RNFT2: variants seen among roughly 807,000 people sequenced by gnomAD.
RNFT2 encodes the protein E3 ubiquitin-protein ligase RNFT2.
A neutral mutation model predicts 53.0 loss-of-function variants in RNFT2; 36 were observed. The ratio of observed to expected loss-of-function variants is 0.68; its 90% CI spans 0.52 to 0.90. The LOEUF (loss-of-function observed/expected upper bound fraction) is 0.90. Ranked by LOEUF, RNFT2 falls within the 40% of genes least tolerant of loss-of-function variation. RNFT2 has a pLI of 0.00. For synonymous variants in RNFT2, 260 were observed against 253.2 expected (o/e 1.03, Z -0.26); for missense variants, 514 against 585.6 (o/e 0.88, Z 1.26).
intron 7 of RNFT2, among the ~76,000 whole-genome samples, chr12:116,795,992 T>C (rs575945336): frequency 6.6e-6 from 1 of 152,220 alleles, no homozygotes; most frequent in East Asian, 1.9e-4. Flanking sequence ...CACTGAAACC[T>C]CTGCCTCCCG....
chr12:116,827,576 C>A (rs138783168), intron 7 of RNFT2, among the ~76,000 whole-genome samples: 1 of 152,338 alleles, frequency 6.6e-6, no homozygotes, highest in Non-Finnish European at 1.5e-5. Context: ...AGGCCAAATA[C>A]GTCCTGCCAC....
chr12:116,840,787 T>C (rs1477633440), intron 10 of RNFT2, among the ~76,000 whole-genome samples: 3 of 152,132 alleles, frequency 2.0e-5, no homozygotes, highest in African/African-American at 7.2e-5. Context: ...TATGAGATGA[T>C]GTATAGGGCT....
rs1461049071 is a variant in RNFT2, at chr12:116,851,919, G to A, written c.*2471G>A. 6.5e-7 allele frequency: 1 copy of A among 1,534,776 alleles called. No homozygotes were observed. The highest frequency in any genetic ancestry group is 8.7e-7 in the Non-Finnish European group (1 of 1,146,402). On this transcript the variant is annotated 3_prime_UTR_variant, in exon 11 of 11. Transcript: ENST00000257575. ...AGTCTCAGGCCTGTCAGCAGCTCCTGTGGACATTGCCATCCCCTCTGGTAG... is the reference window on the plus strand; with the variant it reads ...AGTCTCAGGCCTGTCAGCAGCTCCTATGGACATTGCCATCCCCTCTGGTAG...
Position 116,809,795 on chromosome 12 carries a change from C to G in RNFT2, c.883-23997C>G, listed in dbSNP as rs572593981. 7.0e-4 allele frequency among the ~76,000 whole-genome samples: 106 copies of G among 152,244 alleles called. 1 individual carries two copies. The highest frequency in any genetic ancestry group is 2.4e-3 in the African/African-American group (99 of 41,548). On this transcript the variant is annotated intron_variant, in intron 7 of 10. Transcript: ENST00000257575. ...TCAAGCTATTCTCCTGCCTCAGCCT[C>G]CTGAGTAGCTGGGACTACAGGCACC...
chr12:116,850,631 T>C lies in RNFT2; in HGVS notation c.*1183T>C. The stretch of plus-strand genomic sequence containing the variant: ...TTTTCTTTTCTTTTCTTTTTTTTTT[T>C]TTTTTTGTTGTTGTGAGACAGAGTC... On this transcript the variant is annotated 3_prime_UTR_variant, in exon 11 of 11. Transcript: ENST00000257575. The C allele has an allele frequency of 6.7e-6, 1 of 150,030 alleles. No individual in the cohort carries two copies. Among genetic ancestry groups the C allele is most frequent in the Non-Finnish European group, 1.5e-5 (1 of 67,478 alleles). 9.3% of individuals were successfully genotyped at this position (150,030 alleles called of 1,614,324 possible).
chr12:116,816,527 C>T (rs1201163261), intron 7 of RNFT2, among the ~76,000 whole-genome samples: 1 of 152,108 alleles, frequency 6.6e-6, no homozygotes, highest in East Asian at 1.9e-4. Context: ...GAGAAAATGA[C>T]ACATTTTCAT....
chr12:116,795,931 CAG>C (rs1425555961), intron 7 of RNFT2, among the ~76,000 whole-genome samples: 18 of 151,778 alleles, frequency 1.2e-4, no homozygotes, highest in Non-Finnish European at 2.2e-4. Flanking sequence ...CTTTTTGAGA[CAG>C]AGTCTCACTC....
chr12:116,740,392 C>A lies in RNFT2; in HGVS notation c.-106C>A. ...CCCTGACTGTGCATCCCTCTGGAGA[C>A]GAAGAGGAGGGGGAGGCCTGTCCTC... is the stretch of plus-strand genomic sequence containing the variant. On this transcript the variant is annotated 5_prime_UTR_variant, in exon 2 of 11. Coordinates refer to ENST00000257575, the MANE Select transcript of RNFT2 (RefSeq NM_001382266.1). 1.8e-6 allele frequency: 2 copies of A among 1,133,620 alleles called. No individual in the cohort carries two copies. Among genetic ancestry groups the A allele is most frequent in the Non-Finnish European group, 2.6e-6 (2 of 771,090 alleles). The allele number at this position is 1,133,620 out of a possible 1,614,324, so 70.2% of individuals were successfully genotyped here.
intron 7 of RNFT2, among the ~76,000 whole-genome samples, chr12:116,791,250 C>T (rs1874217430): frequency 6.6e-6 from 1 of 152,226 alleles, no homozygotes; most frequent in South Asian, 2.1e-4. Flanking sequence ...TGTCTGGCTT[C>T]TCTCATGCCG....
intron 7 of RNFT2, among the ~76,000 whole-genome samples, chr12:116,808,851 C>G (rs1875221061): frequency 6.6e-6 from 1 of 152,094 alleles, no homozygotes; most frequent in Non-Finnish European, 1.5e-5. Flanking sequence ...CCCCCTGGCT[C>G]CCCCACTCTC....
In RNFT2 at chr12:116,833,780, G is replaced by A. The variant is rs1463095485; in HGVS notation, c.883-12G>A. 2 of 1,612,504 alleles carry A rather than the reference G, an allele frequency of 1.2e-6. No homozygotes were observed. Among genetic ancestry groups the A allele is most frequent in the African/African-American group, 2.7e-5 (2 of 74,844 alleles). On this transcript the variant is annotated splice_polypyrimidine_tract_variant and intron_variant, in intron 7 of 10. Transcript: ENST00000257575. ...CTGCTAATAATAATTGATGTTCTCT[G>A]TGTGGTTGCAGGGAAAGTTCTATCT...
rs1176566412 is a variant in RNFT2, at chr12:116,846,274, T to C, written c.1201-3040T>C. ...ATTATTCCAAGTGCCTTCTTTTTTATATTATTGTTATTTTTTTAGACAAGG... is the reference window on the plus strand; with the variant it reads ...ATTATTCCAAGTGCCTTCTTTTTTACATTATTGTTATTTTTTTAGACAAGG... On this transcript the variant is annotated intron_variant, in intron 10 of 10. Transcript: ENST00000257575. 4.0e-5 allele frequency among the ~76,000 whole-genome samples: 6 copies of C among 150,868 alleles called. No individual in the cohort carries two copies. The South Asian group carries it at 1.2e-3, about 31-fold the overall frequency.
chr12:116,763,044 T>C (rs557809612), intron 5 of RNFT2, among the ~76,000 whole-genome samples: 45 of 152,274 alleles, frequency 3.0e-4, no homozygotes, highest in African/African-American at 1.1e-3. Flanking sequence ...ATTGCACCAC[T>C]GCACTCTAGC....
rs538874314 is a variant in RNFT2, at chr12:116,841,028, G to T, written c.1200+4746G>T. Among the ~76,000 whole-genome samples, 7 of 152,256 alleles carry T rather than the reference G, an allele frequency of 4.6e-5. No individual in the cohort carries two copies. In the East Asian group the frequency reaches 9.6e-4, roughly 21 times the overall value. ...CATCCTTTCCCAGATTCCCTATAAT[G>T]AGTAAGGGTTTTCACTACAAAGTCA... is the stretch of plus-strand genomic sequence containing the variant. On this transcript the variant is annotated intron_variant, in intron 10 of 10. Coordinates refer to ENST00000257575, the MANE Select transcript of RNFT2 (RefSeq NM_001382266.1).
At chr12:116,813,583 T>C (rs982646952) in intron 7 of RNFT2, among the ~76,000 whole-genome samples, 55 of 152,244 alleles carry the variant, frequency 3.6e-4, no homozygotes, top group Admixed American at 3.0e-3. Context: ...TGTGATGTTG[T>C]GTTTGCTGGT....
chr12:116,770,689 C>CT (rs1873132733), intron 6 of RNFT2, among the ~76,000 whole-genome samples: 1 of 152,190 alleles, frequency 6.6e-6, no homozygotes, highest in South Asian at 2.1e-4. Flanking sequence ...TCCCAAGTAG[C>CT]TGGGACTTCA....
chr12:116,823,291 G>A (rs572057881), intron 7 of RNFT2, among the ~76,000 whole-genome samples: 1 of 152,334 alleles, frequency 6.6e-6, no homozygotes, highest in South Asian at 2.1e-4. Context: ...GAGAGGGAGA[G>A]CAGCTTGCCC....
chr12:116,801,602 C>A (rs1019323590), intron 7 of RNFT2: 4 of 152,152 alleles, frequency 2.6e-5, no homozygotes, highest in East Asian at 3.8e-4. Flanking sequence ...AAGTCAAGTG[C>A]TGGCTGGTTA....
At chr12:116,749,300 G>A (rs1259805745) in intron 3 of RNFT2, among the ~76,000 whole-genome samples, 4 of 119,132 alleles carry the variant, frequency 3.4e-5, no homozygotes, top group Non-Finnish European at 6.5e-5. Context: ...CACCCCTTTT[G>A]AGACAGGCTC....
Sources: gnomAD v4.1 joint callset for allele counts (sites outside exome capture counted in the v4.1 genomes callset) on GRCh38, gnomAD v4.1.1 for gene constraint, MANE v1.5 for transcripts, NCBI Gene and HGNC (gene_info 2026-07-23, HGNC 2026-07-21) for gene names.